CNTNAP2: variants seen among roughly 807,000 people sequenced by gnomAD.
CNTNAP2 encodes the protein contactin associated protein 2.
A neutral mutation model predicts 155.2 loss-of-function variants in CNTNAP2; 98 were observed. The observed-to-expected ratio is 0.63, with a 90% CI of 0.54 to 0.75. CNTNAP2 has a LOEUF of 0.75. Ranked by LOEUF, CNTNAP2 falls within the 30% of genes least tolerant of loss-of-function variation. CNTNAP2 has a pLI of 0.00. For synonymous variants in CNTNAP2, 651 were observed against 631.2 expected (o/e 1.03, Z -0.47); for missense variants, 1,727 against 1,688.1 (o/e 1.02, Z -0.40).
At chr7:148,156,516 T>C (rs1805401664) in intron 17 of CNTNAP2, among the ~76,000 whole-genome samples, 1 of 152,106 alleles carries the variant, frequency 6.6e-6, no homozygotes, top group Non-Finnish European at 1.5e-5. Flanking sequence ...CACAGAGCCT[T>C]CCTGTCTTCT....
intron 1 of CNTNAP2, among the ~76,000 whole-genome samples, chr7:146,580,303 G>A (rs1798592042): frequency 6.6e-6 from 1 of 151,880 alleles, no homozygotes; most frequent in Non-Finnish European, 1.5e-5. Context: ...ATTGAAGTTT[G>A]CATCTCAAAT....
chr7:147,287,980 T>C (rs1438219466), intron 8 of CNTNAP2, among the ~76,000 whole-genome samples: 1 of 152,130 alleles, frequency 6.6e-6, no homozygotes, highest in African/African-American at 2.4e-5. Flanking sequence ...CTTCTACTTA[T>C]CAGGCCTTTA....
intron 6 of CNTNAP2, among the ~76,000 whole-genome samples, chr7:147,125,070 T>A (rs949730187): frequency 6.6e-6 from 1 of 151,548 alleles, no homozygotes; most frequent in Admixed American, 6.6e-5. Flanking sequence ...TTAGTAGAGA[T>A]GGGGTTTCAC....
At chr7:147,373,301 C>T (rs535789065) in intron 9 of CNTNAP2, among the ~76,000 whole-genome samples, 5 of 151,972 alleles carry the variant, frequency 3.3e-5, no homozygotes, top group South Asian at 2.1e-4. Context: ...AGGTGGCTGA[C>T]GTGGTTTCGG....
intron 11 of CNTNAP2, among the ~76,000 whole-genome samples, chr7:147,487,386 G>T (rs905913481): frequency 2.0e-5 from 3 of 152,060 alleles, no homozygotes; most frequent in Non-Finnish European, 2.9e-5. Flanking sequence ...AACTAAAATT[G>T]TTCCTTACCA....
intron 1 of CNTNAP2, among the ~76,000 whole-genome samples, chr7:146,195,853 A>T (rs548105251): frequency 1.6e-4 from 25 of 152,292 alleles, no homozygotes; most frequent in Middle Eastern, 3.4e-3. Context: ...TTACCACATC[A>T]TTTATCATTA....
chr7:146,207,670 T>G (rs1354382664), intron 1 of CNTNAP2, among the ~76,000 whole-genome samples: 1 of 145,520 alleles, frequency 6.9e-6, no homozygotes, highest in Non-Finnish European at 1.5e-5. Flanking sequence ...AACTCATTCA[T>G]GAAACAAACA....
At chr7:146,695,614 A>G (rs1293026462) in intron 1 of CNTNAP2, among the ~76,000 whole-genome samples, 4 of 151,828 alleles carry the variant, frequency 2.6e-5, no homozygotes, top group Admixed American at 2.6e-4. Context: ...TTTTGTAGAG[A>G]AGGGGTTTCC....
chr7:146,951,777 G>C (rs866871882), intron 3 of CNTNAP2, among the ~76,000 whole-genome samples: 12 of 152,018 alleles, frequency 7.9e-5, no homozygotes, highest in Non-Finnish European at 1.3e-4. Flanking sequence ...GACTATACGG[G>C]CTCTTTTTTG....
rs1298370852 is a variant in CNTNAP2, at chr7:148,207,228, A to G, written c.3011-10060A>G. ...TTGAGGATGTGCACTCTTACAGTGC[A>G]GGCGGCACTTGCGGAAGGAGATGGA... On this transcript the variant is annotated intron_variant, in intron 18 of 23. Coordinates refer to ENST00000361727, the MANE Select transcript of CNTNAP2 (RefSeq NM_014141.6). Among the ~76,000 whole-genome samples, 5 of 152,258 alleles carry G rather than the reference A, an allele frequency of 3.3e-5. No individual in the cohort carries two copies. The East Asian group carries it at 9.6e-4, about 29-fold the overall frequency.
chr7:147,226,894 T>C (rs1453135393), intron 8 of CNTNAP2, among the ~76,000 whole-genome samples: 1 of 152,244 alleles, frequency 6.6e-6, no homozygotes, highest in Non-Finnish European at 1.5e-5. Context: ...TTGTACCAGT[T>C]AAACATATAA....
chr7:146,474,512 C>CT (rs562831592), intron 1 of CNTNAP2, among the ~76,000 whole-genome samples: 472 of 151,160 alleles, frequency 3.1e-3, no homozygotes, highest in Middle Eastern at 0.01. Flanking sequence ...ATGATTTGAG[C>CT]TTTAGCATTG....
chr7:148,099,851 C>G (rs1585124915), intron 15 of CNTNAP2, among the ~76,000 whole-genome samples: 1 of 146,074 alleles, frequency 6.8e-6, no homozygotes, highest in Non-Finnish European at 1.5e-5. Flanking sequence ...TTGCTCCTCC[C>G]TCCTTTTTTT....
intron 1 of CNTNAP2, among the ~76,000 whole-genome samples, chr7:146,246,203 G>A (rs1799648457): frequency 6.6e-6 from 1 of 151,250 alleles, no homozygotes; most frequent in African/African-American, 2.4e-5. Context: ...CGCCAAGGAG[G>A]GAGTAGAAGT....
intron 4 of CNTNAP2, among the ~76,000 whole-genome samples, chr7:147,058,601 G>A (rs1424083361): frequency 1.4e-5 from 2 of 145,636 alleles, no homozygotes; most frequent in African/African-American, 4.9e-5. Flanking sequence ...TTGTTCGTTT[G>A]TTTTGTTTTT....
intron 14 of CNTNAP2, among the ~76,000 whole-genome samples, chr7:147,972,984 T>A (rs1381338561): frequency 6.6e-6 from 1 of 151,580 alleles, no homozygotes; most frequent in Non-Finnish European, 1.5e-5. Flanking sequence ...AAGCAAGACC[T>A]GTCTCTACAA....
intron 1 of CNTNAP2, among the ~76,000 whole-genome samples, chr7:146,509,700 C>T (rs906779629): frequency 4.6e-5 from 7 of 152,148 alleles, no homozygotes. Context: ...TCACTCCAAC[C>T]TGTGTACGTC....
intron 9 of CNTNAP2, among the ~76,000 whole-genome samples, chr7:147,347,457 C>CATATATATATATATGCAT (rs1795891617): frequency 2.0e-5 from 1 of 50,004 alleles, no homozygotes; most frequent in African/African-American, 5.5e-5. Flanking sequence ...TATATATATG[C>CATATATATATATATGCAT]ATATATATAT....
In CNTNAP2 at chr7:147,108,230, A is replaced by G. The variant is rs751076079; in HGVS notation, c.634A>G (p.Ile212Val). ...NKKMKTLKDV[I>V]ALNFKTSESE... is the part of the protein sequence containing the mutation. ...GAAGATGAAAACACTGAAAGATGTC[A>G]TTGCCTTGAACTTTAAGACGTCTGA... The change falls in exon 5 of 24, where the codon ATT (isoleucine) becomes GTT (valine). Residue 212 changes from isoleucine to valine, a missense_variant. Ile to Val is a conservative substitution (Grantham distance 29). Coordinates refer to ENST00000361727, the MANE Select transcript of CNTNAP2 (RefSeq NM_014141.6). The G allele has an allele frequency of 1.2e-5, 20 of 1,613,652 alleles. No individual in the cohort carries two copies. In the Admixed American group the frequency reaches 2.7e-4, roughly 22 times the overall value.
Sources: allele counts gnomAD v4.1 joint callset (sites outside exome capture counted in the v4.1 genomes callset), GRCh38; gene constraint gnomAD v4.1.1; transcripts MANE v1.5; gene names NCBI Gene and HGNC (gene_info 2026-07-23, HGNC 2026-07-21).